HFM1: variants seen among roughly 807,000 people sequenced by gnomAD.
The protein encoded by HFM1 is helicase for meiosis 1, also known as probable ATP-dependent DNA helicase HFM1.
A neutral mutation model predicts 192.1 loss-of-function variants in HFM1; 169 were observed. The observed-to-expected ratio is 0.88, with a 90% CI of 0.78 to 1.00. The LOEUF is 1.00. Among genes scored for constraint, HFM1 ranks in the 50% least tolerant of loss-of-function variants. The pLI, the probability that HFM1 is intolerant of heterozygous loss-of-function variation, is 0.00. For missense variants in HFM1, 1,661 were observed against 1,668.0 expected, an observed-to-expected ratio of 1.00 and a Z score of 0.07; for synonymous variants, 525 against 537.8, an observed-to-expected ratio of 0.98 and a Z score of 0.33.
At chr1:91,368,543 A>ATGC (rs549484344) in intron 13 of HFM1, among the ~76,000 whole-genome samples, 1 of 152,328 alleles carries the variant, frequency 6.6e-6, no homozygotes, top group Non-Finnish European at 1.5e-5. Flanking sequence ...AGACAAGCAA[A>ATGC]TGCTGAGAGA....
chr1:91,339,356 T>C (rs1310398723), intron 20 of HFM1, among the ~76,000 whole-genome samples: 2 of 151,940 alleles, frequency 1.3e-5, no homozygotes, highest in Non-Finnish European at 2.9e-5. Flanking sequence ...ATCATCAAGA[T>C]TCATCAGAAA....
At chr1:91,287,387 C>T (rs540949340) in intron 30 of HFM1, among the ~76,000 whole-genome samples, 9 of 152,204 alleles carry the variant, frequency 5.9e-5, no homozygotes, top group East Asian at 3.9e-4. Flanking sequence ...GGAGGCACCC[C>T]CTAGCAGGGG....
intron 30 of HFM1, among the ~76,000 whole-genome samples, chr1:91,288,671 C>A (rs1051197940): frequency 6.6e-6 from 1 of 151,918 alleles, no homozygotes; most frequent in African/African-American, 2.4e-5. Context: ...ACACAGCACA[C>A]GTTTGAGAGC....
chr1:91,385,940 GT>G, intron 4 of HFM1, 106 bp from the exon 5 acceptor site: 1 of 864,390 alleles, frequency 1.2e-6, no homozygotes, highest in Non-Finnish European at 1.8e-6. Context: ...ATAGATTATG[GT>G]TTACTCAAAC....
chr1:91,315,988 A>C lies in HFM1; in HGVS notation c.2983-16T>G, dbSNP rs753927088. 1.7e-5 allele frequency: 26 copies of C among 1,559,394 alleles called. No individual in the cohort carries two copies. Among genetic ancestry groups the C allele is most frequent in the Non-Finnish European group, 1.7e-5 (19 of 1,136,292 alleles). ...ATCTTGTAATCTTTAAAAAAGGACA[A>C]GTATAAAAAGTGTTAAAAATAACCT... On this transcript the variant is annotated splice_polypyrimidine_tract_variant and intron_variant, in intron 27 of 38. Coordinates refer to ENST00000370425, the MANE Select transcript of HFM1 (RefSeq NM_001017975.6).
At chr1:91,291,318 G>A (rs1668725555) in intron 30 of HFM1, among the ~76,000 whole-genome samples, 1 of 151,984 alleles carries the variant, frequency 6.6e-6, no homozygotes, top group South Asian at 2.1e-4. Flanking sequence ...GACTAATAAA[G>A]AAGAAAAGAG....
chr1:91,393,060 A>C (rs1033383848), intron 4 of HFM1, among the ~76,000 whole-genome samples: 1 of 152,232 alleles, frequency 6.6e-6, no homozygotes, highest in Non-Finnish European at 1.5e-5. Flanking sequence ...AAGAATGAAA[A>C]AAATAAGAAA....
intron 23 of HFM1, among the ~76,000 whole-genome samples, chr1:91,320,423 T>C (rs1170693709): frequency 6.6e-6 from 1 of 152,182 alleles, no homozygotes; most frequent in Non-Finnish European, 1.5e-5. Flanking sequence ...CACAGTATAC[T>C]ATCAAAGAAG....
intron 30 of HFM1, among the ~76,000 whole-genome samples, chr1:91,312,174 T>C (rs1375737297): frequency 6.6e-6 from 1 of 151,860 alleles, no homozygotes; most frequent in Admixed American, 6.6e-5. Context: ...AAATGTGGGG[T>C]CAGAGCCCCC....
chr1:91,343,500 C>T lies in HFM1; in HGVS notation c.2265G>A (p.Leu755=). The part of the protein sequence containing the change: ...GIEAKLQELC[L]KNLNDLSSLD... ...GGGATGATAAATCATTCAGATTCTTCAAACATAATTCTGTTTAATTATAGA... is the reference window on the plus strand; with the variant it reads ...GGGATGATAAATCATTCAGATTCTTTAAACATAATTCTGTTTAATTATAGA... Residue 755 remains leucine (L), a synonymous_variant, in exon 20 of 39, where the codon TTG becomes TTA. Transcript: ENST00000370425. 5 of 1,362,630 alleles carry T rather than the reference C, an allele frequency of 3.7e-6. No individual in the cohort carries two copies. Among genetic ancestry groups the T allele is most frequent in the Non-Finnish European group, 5.1e-6 (5 of 984,750 alleles). The allele number at this position is 1,362,630 out of a possible 1,614,324, so 84.4% of individuals were successfully genotyped here.
chr1:91,405,851 A>G (rs572388598), upstream of HFM1, among the ~76,000 whole-genome samples: 10 of 152,370 alleles, frequency 6.6e-5, no homozygotes, highest in African/African-American at 2.4e-4. Flanking sequence ...TTTTGACTGC[A>G]TAAACTATTC....
chr1:91,395,303 A>G (rs544891978), intron 3 of HFM1, among the ~76,000 whole-genome samples: 107 of 152,288 alleles, frequency 7.0e-4, no homozygotes, highest in African/African-American at 2.3e-3. Flanking sequence ...TAGGAGTTTA[A>G]TAGTCACAGA....
At chr1:91,275,423 C>A (rs997969422) in intron 32 of HFM1, among the ~76,000 whole-genome samples, 3 of 152,226 alleles carry the variant, frequency 2.0e-5, no homozygotes, top group African/African-American at 7.2e-5. Flanking sequence ...TCGCTCAGCT[C>A]TGTCTCCTGA....
rs1438805944 is a variant in HFM1 at position 91,293,465 on chromosome 1, C to T, written c.3392-16403G>A. 9.2e-5 allele frequency among the ~76,000 whole-genome samples: 14 copies of T among 152,102 alleles called. 1 individual carries two copies. In the South Asian group the frequency reaches 2.9e-3, roughly 32 times the overall value. ...ATGAAAAAAGGCTCACCATCACTGGCCATCAGAGAAATGCAAATCAAAACC... is the reference window on the plus strand; with the variant it reads ...ATGAAAAAAGGCTCACCATCACTGGTCATCAGAGAAATGCAAATCAAAACC... On this transcript the variant is annotated intron_variant, in intron 30 of 38. Transcript: ENST00000370425.
At chr1:91,331,527 C>T (rs991378222) in intron 20 of HFM1, among the ~76,000 whole-genome samples, 4 of 151,278 alleles carry the variant, frequency 2.6e-5, no homozygotes, top group Non-Finnish European at 4.4e-5. Context: ...AAAAGTAATC[C>T]CATTTATAAT....
At chr1:91,269,449 C>T (rs1570722796) in intron 34 of HFM1, among the ~76,000 whole-genome samples, 1 of 152,180 alleles carries the variant, frequency 6.6e-6, no homozygotes, top group East Asian at 1.9e-4. Flanking sequence ...AAACTTGCTC[C>T]AGCATATCAC....
At chr1:91,278,371 G>C (rs943937451) in intron 30 of HFM1, among the ~76,000 whole-genome samples, 1 of 152,064 alleles carries the variant, frequency 6.6e-6, no homozygotes, top group Admixed American at 6.6e-5. Context: ...GGGAAGGAGA[G>C]AGATGTTTGA....
At chr1:91,263,709 T>G (rs1378165030) in intron 36 of HFM1, among the ~76,000 whole-genome samples, 3 of 152,164 alleles carry the variant, frequency 2.0e-5, no homozygotes, top group Non-Finnish European at 4.4e-5. Context: ...GCCCTAATTA[T>G]GCCACTGTAC....
Position 91,276,969 on chromosome 1 carries a change from T to C in HFM1, c.3472+13A>G. Reference sequence around the variant, plus strand: ...TTTGAACACTTTAAATAAACTTGTTTTAAGGAACTCACAGCAGTCATGTCC... The same window carrying C: ...TTTGAACACTTTAAATAAACTTGTTCTAAGGAACTCACAGCAGTCATGTCC... On this transcript the variant is annotated intron_variant, in intron 31 of 38. Coordinates refer to ENST00000370425, the MANE Select transcript of HFM1 (RefSeq NM_001017975.6). 6.6e-7 allele frequency: 1 copy of C among 1,511,298 alleles called. No homozygotes were observed. The highest frequency in any genetic ancestry group is 1.2e-5 in the South Asian group (1 of 80,100). 93.6% of individuals were successfully genotyped at this position (1,511,298 alleles called of 1,614,324 possible). A position where few individuals can be genotyped will look rare whatever the true frequency, so the allele number is the denominator to read the frequency against.
Sources: gnomAD v4.1 joint callset for allele counts (sites outside exome capture counted in the v4.1 genomes callset) on GRCh38, gnomAD v4.1.1 for gene constraint, MANE v1.5 for transcripts, NCBI Gene and HGNC (gene_info 2026-07-23, HGNC 2026-07-21) for gene names.